The following ARHGAP15 variants were observed in gnomAD, a reference collection of about 807,000 sequenced individuals.
ARHGAP15 encodes the protein Rho GTPase activating protein 15.
A neutral mutation model predicts 63.7 loss-of-function variants in ARHGAP15; 51 were observed. The ratio of observed to expected loss-of-function variants is 0.80; its 90% CI spans 0.64 to 1.01. The LOEUF (loss-of-function observed/expected upper bound fraction) is 1.01. ARHGAP15 is among the 50% of genes least tolerant of loss of function. The pLI, the probability that ARHGAP15 is intolerant of heterozygous loss-of-function variation, is 0.00. For synonymous variants in ARHGAP15, 191 were observed against 193.8 expected (o/e 0.99, Z 0.12); for missense variants, 560 against 564.6 (o/e 0.99, Z 0.08).
intron 6 of ARHGAP15, among the ~76,000 whole-genome samples, chr2:143,373,590 A>G (rs1686659977): frequency 7.0e-6 from 1 of 143,878 alleles, no homozygotes; most frequent in Non-Finnish European, 1.5e-5. Context: ...AGATAGCACC[A>G]CTGCACTCCA....
chr2:143,477,434 TTAA>T (rs1348722967), intron 8 of ARHGAP15, among the ~76,000 whole-genome samples: 8 of 152,090 alleles, frequency 5.3e-5, no homozygotes, highest in African/African-American at 1.9e-4. Flanking sequence ...ATCATTAATA[TTAA>T]TCTATTAAGA....
intron 8 of ARHGAP15, among the ~76,000 whole-genome samples, chr2:143,457,905 A>G (rs1028739459): frequency 5.3e-5 from 8 of 151,984 alleles, no homozygotes; most frequent in African/African-American, 1.9e-4. Flanking sequence ...ATATTAAAGA[A>G]GTAAAACAAT....
At chr2:143,546,703 T>G (rs1193876942) in intron 10 of ARHGAP15, among the ~76,000 whole-genome samples, 1 of 152,062 alleles carries the variant, frequency 6.6e-6, no homozygotes, top group Non-Finnish European at 1.5e-5. Context: ...ACTAAGCAAG[T>G]CATACTACCA....
At chr2:143,527,910 G>A (rs954054337) in intron 10 of ARHGAP15, among the ~76,000 whole-genome samples, 4 of 152,036 alleles carry the variant, frequency 2.6e-5, no homozygotes, top group Non-Finnish European at 5.9e-5. Flanking sequence ...GCAGCTCAGA[G>A]AATAACATGG....
At chr2:143,533,333 G>A (rs998492955) in intron 10 of ARHGAP15, 1 of 152,082 alleles carries the variant, frequency 6.6e-6, no homozygotes, top group East Asian at 1.9e-4. Flanking sequence ...AATTTCTCAC[G>A]GGGCAAAATA....
chr2:143,540,270 G>A (rs1694984910), intron 10 of ARHGAP15, among the ~76,000 whole-genome samples: 1 of 152,072 alleles, frequency 6.6e-6, no homozygotes, highest in South Asian at 2.1e-4. Context: ...GAGCCTATAT[G>A]TGTGTCTGCA....
chr2:143,549,903 A>C (rs759654332), intron 10 of ARHGAP15, among the ~76,000 whole-genome samples: 5 of 152,166 alleles, frequency 3.3e-5, no homozygotes, highest in Non-Finnish European at 7.4e-5. Flanking sequence ...TTAAGATTGG[A>C]CAAGTTGTGG....
intron 6 of ARHGAP15, among the ~76,000 whole-genome samples, chr2:143,423,293 T>C (rs1402415947): frequency 6.6e-6 from 1 of 152,184 alleles, no homozygotes; most frequent in African/African-American, 2.4e-5. Flanking sequence ...ATACAGGTTC[T>C]CAGTGACTAA....
In ARHGAP15 at chr2:143,264,360, T is replaced by C. The variant is rs115595686; in HGVS notation, c.474+13760T>C. Among the ~76,000 whole-genome samples, 1,465 of 152,194 alleles carry C rather than the reference T, an allele frequency of 9.6e-3. 12 individuals carry two copies. Among genetic ancestry groups the C allele is most frequent in the Non-Finnish European group, 0.014 (986 of 68,004 alleles). ...TTTGCTGTGGAAGGTAAGGCCTTCC[T>C]CCAGAACCTTAAAGACTTTCATTGT... On this transcript the variant is annotated intron_variant, in intron 6 of 13. Transcript: ENST00000295095.
chr2:143,747,727 G>C (rs1686224245), intron 13 of ARHGAP15, among the ~76,000 whole-genome samples: 1 of 151,986 alleles, frequency 6.6e-6, no homozygotes, highest in Non-Finnish European at 1.5e-5. Flanking sequence ...TCTTTTTATT[G>C]CTAAACTATA....
At chr2:143,229,921 T>G (rs1181285101) in intron 5 of ARHGAP15, among the ~76,000 whole-genome samples, 1 of 151,802 alleles carries the variant, frequency 6.6e-6, no homozygotes, top group Non-Finnish European at 1.5e-5. Flanking sequence ...TGTAAACTAA[T>G]TATGAATAAA....
At chr2:143,238,691 G>A (rs112944195) in intron 5 of ARHGAP15, among the ~76,000 whole-genome samples, 13 of 152,288 alleles carry the variant, frequency 8.5e-5, no homozygotes, top group African/African-American at 3.1e-4. Flanking sequence ...TCCCATTACT[G>A]AGTACATACC....
At chr2:143,156,737 T>C (rs1256529323) in intron 2 of ARHGAP15, among the ~76,000 whole-genome samples, 5 of 151,966 alleles carry the variant, frequency 3.3e-5, no homozygotes, top group Non-Finnish European at 7.4e-5. Context: ...CCAGTGATTA[T>C]ATTTGGAGAG....
intron 6 of ARHGAP15, among the ~76,000 whole-genome samples, chr2:143,381,493 G>A (rs1687052307): frequency 6.6e-6 from 1 of 152,084 alleles, no homozygotes; most frequent in Non-Finnish European, 1.5e-5. Flanking sequence ...CAGGGTTAAT[G>A]TAGAAAAATA....
intron 10 of ARHGAP15, among the ~76,000 whole-genome samples, chr2:143,535,538 C>T (rs1449129825): frequency 6.6e-6 from 1 of 152,278 alleles, no homozygotes; most frequent in East Asian, 1.9e-4. Flanking sequence ...GAATTATCTT[C>T]CCAGATTTTC....
At chr2:143,234,888 G>A (rs1020039163) in intron 5 of ARHGAP15, among the ~76,000 whole-genome samples, 4 of 152,058 alleles carry the variant, frequency 2.6e-5, no homozygotes, top group South Asian at 2.1e-4. Flanking sequence ...ATTTACAGTG[G>A]CAGTCCCACT....
chr2:143,206,073 T>C (rs1175266178), intron 3 of ARHGAP15, among the ~76,000 whole-genome samples: 1 of 151,990 alleles, frequency 6.6e-6, no homozygotes, highest in Non-Finnish European at 1.5e-5. Flanking sequence ...AAGCCAGGAG[T>C]AGTAACATGA....
chr2:143,322,518 C>T (rs983519214), intron 6 of ARHGAP15, among the ~76,000 whole-genome samples: 1 of 151,744 alleles, frequency 6.6e-6, no homozygotes, highest in Non-Finnish European at 1.5e-5. Context: ...TGTAGAAATA[C>T]AATAATGTAA....
chr2:143,299,690 C>G (rs1682810907), intron 6 of ARHGAP15, among the ~76,000 whole-genome samples: 1 of 151,888 alleles, frequency 6.6e-6, no homozygotes, highest in South Asian at 2.1e-4. Flanking sequence ...AAAATTGTGT[C>G]TAAAATAAAC....
Sources: gnomAD v4.1 joint callset for allele counts (sites outside exome capture counted in the v4.1 genomes callset) on GRCh38, gnomAD v4.1.1 for gene constraint, MANE v1.5 for transcripts, NCBI Gene and HGNC (gene_info 2026-07-23, HGNC 2026-07-21) for gene names.